The following AGBL4 variants were observed in gnomAD, a reference collection of about 807,000 sequenced individuals.
The protein encoded by AGBL4 is cytosolic carboxypeptidase 6.
In AGBL4, 58 loss-of-function variants were observed where a neutral mutation model predicts 66.4. The ratio of observed to expected loss-of-function variants is 0.87; its 90% CI spans 0.71 to 1.09. The LOEUF (loss-of-function observed/expected upper bound fraction) is 1.09. Among genes scored for constraint, AGBL4 ranks in the 50% least tolerant of loss-of-function variants. The probability of loss-of-function intolerance (pLI) is 0.00; values close to 1 mark genes in which losing one functional copy is unlikely to be tolerated. For missense variants in AGBL4, 579 were observed against 631.0 expected, an observed-to-expected ratio of 0.92 and a Z score of 0.88; for synonymous variants, 234 against 222.9, an observed-to-expected ratio of 1.05 and a Z score of -0.44.
In AGBL4 at chr1:49,934,293, G is replaced by A. The variant is rs972692894; in HGVS notation, c.35-82775C>T. Among the ~76,000 whole-genome samples, 34 of 151,934 alleles carry A rather than the reference G, an allele frequency of 2.2e-4. 1 individual carries two copies. The highest frequency in any genetic ancestry group is 4.4e-5 in the Non-Finnish European group (3 of 67,988). ...AAAAGATAAAACTTTAGGTAAAATG[G>A]ACCTAAGAGACATATTCAAACATTT... On this transcript the variant is annotated intron_variant, in intron 1 of 13. Transcript: ENST00000371839.
At chr1:49,657,752 T>G (rs886445065) in intron 3 of AGBL4, among the ~76,000 whole-genome samples, 2 of 152,216 alleles carry the variant, frequency 1.3e-5, no homozygotes, top group East Asian at 3.9e-4. Context: ...AGACAAGCAA[T>G]GGGGAAAGGA....
At chr1:48,901,782 T>C (rs1652105608) in intron 5 of AGBL4, among the ~76,000 whole-genome samples, 1 of 152,088 alleles carries the variant, frequency 6.6e-6, no homozygotes, top group African/African-American at 2.4e-5. Context: ...AGAGATTACA[T>C]AGGGGCACAA....
chr1:50,023,106 G>A (rs1267974828), intron 1 of AGBL4, among the ~76,000 whole-genome samples: 5 of 152,038 alleles, frequency 3.3e-5, no homozygotes, highest in Admixed American at 6.5e-5. Context: ...TCACACTCAC[G>A]CTCCAGCCTC....
intron 4 of AGBL4, among the ~76,000 whole-genome samples, chr1:49,237,653 T>G (rs1181070430): frequency 1.3e-5 from 2 of 150,962 alleles, no homozygotes; most frequent in African/African-American, 4.9e-5. Flanking sequence ...TTAAGTCCCT[T>G]TACCTTTCCA....
intron 3 of AGBL4, among the ~76,000 whole-genome samples, chr1:49,349,635 T>C (rs1645708059): frequency 6.6e-6 from 1 of 152,216 alleles, no homozygotes; most frequent in Non-Finnish European, 1.5e-5. Flanking sequence ...TTTATTTGTG[T>C]ACTTTTTGGA....
At chr1:48,911,989 G>C (rs900595816) in intron 5 of AGBL4, among the ~76,000 whole-genome samples, 1 of 152,122 alleles carries the variant, frequency 6.6e-6, no homozygotes, top group African/African-American at 2.4e-5. Flanking sequence ...TGAACTGCTT[G>C]AGGGCAGAGA....
intron 3 of AGBL4, among the ~76,000 whole-genome samples, chr1:49,514,833 T>C (rs1570925938): frequency 2.0e-5 from 3 of 152,092 alleles, no homozygotes; most frequent in East Asian, 3.9e-4. Context: ...TGGCTAGCCA[T>C]ATGTAGAAAG....
At chr1:49,021,042 A>G (rs1308319067) in intron 5 of AGBL4, among the ~76,000 whole-genome samples, 1 of 152,248 alleles carries the variant, frequency 6.6e-6, no homozygotes, top group East Asian at 1.9e-4. Flanking sequence ...CTAGAGGCAT[A>G]AGGATAAAGC....
chr1:49,809,086 T>C (rs1246390061), intron 2 of AGBL4, among the ~76,000 whole-genome samples: 1 of 152,190 alleles, frequency 6.6e-6, no homozygotes, highest in East Asian at 1.9e-4. Context: ...ATAATACTAT[T>C]AAATATTACA....
intron 2 of AGBL4, among the ~76,000 whole-genome samples, chr1:49,738,451 C>G (rs1044628733): frequency 6.6e-6 from 1 of 152,284 alleles, no homozygotes; most frequent in Middle Eastern, 3.4e-3. Context: ...AGGAGGCCTC[C>G]CTGCCTCTGT....
At position 49,246,093 on chromosome 1, in the gene AGBL4, T is replaced by A. The variant is rs577565090; in HGVS notation, c.283-229A>T. 9.9e-5 allele frequency among the ~76,000 whole-genome samples: 15 copies of A among 152,078 alleles called. No homozygotes were observed. The South Asian group carries it at 3.1e-3, about 32-fold the overall frequency. On this transcript the variant is annotated intron_variant, in intron 3 of 13. Transcript: ENST00000371839. ...GAAACTTGAATTTTAGAACCAACTC[T>A]ACTGCTTTTCAATTGTGTGGCCTTG...
chr1:48,665,175 G>A (rs996969467), intron 6 of AGBL4, among the ~76,000 whole-genome samples: 6 of 152,182 alleles, frequency 3.9e-5, no homozygotes, highest in African/African-American at 1.4e-4. Context: ...CCAAAATATA[G>A]TCTTGAGAAC....
intron 4 of AGBL4, among the ~76,000 whole-genome samples, chr1:49,077,721 T>C (rs1199643604): frequency 6.6e-6 from 1 of 152,142 alleles, no homozygotes; most frequent in Non-Finnish European, 1.5e-5. Context: ...AAGTATAATG[T>C]CAGTTGTAAA....
chr1:48,597,607 G>C (rs956836959), intron 9 of AGBL4, among the ~76,000 whole-genome samples: 4 of 150,974 alleles, frequency 2.6e-5, no homozygotes, highest in African/African-American at 7.3e-5. Context: ...TGGCAAAATT[G>C]TCTTTCAAAA....
intron 3 of AGBL4, among the ~76,000 whole-genome samples, chr1:49,467,023 C>T (rs1646645605): frequency 2.0e-5 from 3 of 151,666 alleles, no homozygotes; most frequent in Admixed American, 2.0e-4. Flanking sequence ...GAAAATTATA[C>T]CATACCCAAT....
chr1:49,261,406 G>A (rs998573544), intron 3 of AGBL4, among the ~76,000 whole-genome samples: 25 of 152,128 alleles, frequency 1.6e-4, no homozygotes, highest in African/African-American at 2.9e-4. Flanking sequence ...ATATCTAGAA[G>A]ACCCCATTGG....
At chr1:48,893,404 G>C (rs769176464) in intron 5 of AGBL4, among the ~76,000 whole-genome samples, 1 of 152,070 alleles carries the variant, frequency 6.6e-6, no homozygotes, top group Non-Finnish European at 1.5e-5. Flanking sequence ...ACTCCAGGCC[G>C]GGCGTGGTGG....
At chr1:48,542,831 T>C (rs1644096051) in intron 11 of AGBL4, among the ~76,000 whole-genome samples, 1 of 152,230 alleles carries the variant, frequency 6.6e-6, no homozygotes, top group Non-Finnish European at 1.5e-5. Flanking sequence ...GTGCAGAAGC[T>C]CTTTAGTTTA....
At chr1:48,711,478 T>G (rs186478) in intron 6 of AGBL4, among the ~76,000 whole-genome samples, 1 of 152,064 alleles carries the variant, frequency 6.6e-6, no homozygotes, top group African/African-American at 2.4e-5. Context: ...ATCAGGGAGA[T>G]AAGCACCAGG....
Sources: gnomAD v4.1 joint callset for allele counts (sites outside exome capture counted in the v4.1 genomes callset) on GRCh38, gnomAD v4.1.1 for gene constraint, MANE v1.5 for transcripts, NCBI Gene and HGNC (gene_info 2026-07-23, HGNC 2026-07-21) for gene names.